Variants in MEIOSIN observed in about 807,000 individuals in gnomAD.
MEIOSIN encodes meiosis initiator, also known as meiosis initiator protein.
A neutral mutation model predicts 23.4 loss-of-function variants in MEIOSIN; 18 were observed. The ratio of observed to expected loss-of-function variants is 0.77; its 90% CI spans 0.53 to 1.14. MEIOSIN has a LOEUF of 1.14. MEIOSIN is among the 50% of genes most tolerant of loss of function. MEIOSIN has a pLI of 0.00. For synonymous variants in MEIOSIN, 187 were observed against 100.6 expected (o/e 1.86, Z -5.14); for missense variants, 428 against 242.9 (o/e 1.76, Z -5.07).
intron 8 of MEIOSIN, 104 bp downstream of exon 8, chr19:45,756,182 C>G: frequency 1.6e-6 from 1 of 636,678 alleles, no homozygotes; most frequent in South Asian, 1.7e-5. Context: ...TCTGCGGGTG[C>G]CCCTTGAGCA....
rs534008839 is a variant in MEIOSIN at position 45,735,581 on chromosome 19, A to G, written c.71+134A>G. Reference sequence around the variant, plus strand: ...TTGTTTGTATGATAACTGTTAATCCATACAACAATCTCATGAGGAAGTTGT... The same window carrying G: ...TTGTTTGTATGATAACTGTTAATCCGTACAACAATCTCATGAGGAAGTTGT... On this transcript the variant is annotated intron_variant, in intron 2 of 14. Coordinates refer to ENST00000457052, the MANE Select transcript of MEIOSIN (RefSeq NM_001310124.2). 1.5e-4 allele frequency: 86 copies of G among 571,034 alleles called. 1 individual carries two copies. The Middle Eastern group carries it at 1.6e-3, about 11-fold the overall frequency. 35.4% of individuals were successfully genotyped at this position (571,034 alleles called of 1,614,324 possible).
chr19:45,761,319 G>A (rs1315704763), intron 11 of MEIOSIN, among the ~76,000 whole-genome samples: 1 of 150,938 alleles, frequency 6.6e-6, no homozygotes, highest in Non-Finnish European at 1.5e-5. Flanking sequence ...ACAGAGTTTC[G>A]CCATGTTGGC....
chr19:45,758,786 A>G, intron 9 of MEIOSIN, 92 bp from the exon 10 acceptor site: 1 of 629,676 alleles, frequency 1.6e-6, no homozygotes, highest in Non-Finnish European at 2.9e-6. Flanking sequence ...CGCTTTCCGT[A>G]GCATCAGGCA....
At chr19:45,763,505 G>C (rs1968990747) in intron 14 of MEIOSIN, 78 bp downstream of exon 14, 1 of 398,214 alleles carries the variant, frequency 2.5e-6, no homozygotes. Context: ...TGTCTCTGGA[G>C]CCTTGGGTGT....
intron 2 of MEIOSIN, among the ~76,000 whole-genome samples, chr19:45,736,419 G>A (rs1053178510): frequency 6.6e-6 from 1 of 152,076 alleles, no homozygotes; most frequent in African/African-American, 2.4e-5. Context: ...GTAGAGTGCA[G>A]TGGCGCGATC....
intron 13 of MEIOSIN, 135 bp from the exon 14 acceptor site, chr19:45,763,203 C>T: frequency 2.5e-6 from 1 of 396,538 alleles, no homozygotes; most frequent in Admixed American, 4.4e-5. Context: ...GCCGCTGAGT[C>T]CAGCTCCCTC....
rs1209086730 is a variant in MEIOSIN, at chr19:45,759,410, C to G, written c.1169-4C>G. Reference sequence around the variant, plus strand: ...CTGGCTGCCCCTCTGGTCTCCCTCCCTAGCGGCTTTCTTTGAAGAAGTGTG... The same window carrying G: ...CTGGCTGCCCCTCTGGTCTCCCTCCGTAGCGGCTTTCTTTGAAGAAGTGTG... On this transcript the variant is annotated splice_region_variant and splice_polypyrimidine_tract_variant and intron_variant, in intron 10 of 14. Transcript: ENST00000457052. 1 of 703,360 alleles carries G rather than the reference C, an allele frequency of 1.4e-6. No homozygotes were observed. Among genetic ancestry groups the G allele is most frequent in the Admixed American group, 2.0e-5 (1 of 50,016 alleles). 43.6% of individuals were successfully genotyped at this position (703,360 alleles called of 1,614,324 possible). A position where few individuals can be genotyped will look rare whatever the true frequency, so the allele number is the denominator to read the frequency against.
At chr19:45,763,308 C>T (rs555192476) in intron 13 of MEIOSIN, 30 bp from the exon 14 acceptor site, 1 of 398,764 alleles carries the variant, frequency 2.5e-6, no homozygotes, top group East Asian at 3.6e-5. Flanking sequence ...CTGCAGACCT[C>T]TCCTTACCTC....
chr19:45,761,789 A>ATTCAGC lies in MEIOSIN; in HGVS notation c.1357_1358insTCAGCT (p.Pro452_Ser453insPheSer). The ATTCAGC allele has an allele frequency of 1.5e-6, 1 of 671,438 alleles. No individual in the cohort carries two copies. Among genetic ancestry groups the ATTCAGC allele is most frequent in the East Asian group, 2.8e-5 (1 of 35,672 alleles). 41.6% of individuals were successfully genotyped at this position (671,438 alleles called of 1,614,324 possible). A position where few individuals can be genotyped will look rare whatever the true frequency, so the allele number is the denominator to read the frequency against. On this transcript the variant is annotated inframe_insertion, in exon 12 of 15. Transcript: ENST00000457052. ...CGCTGAGCGGGAACAGCAAGGCGCC[A>ATTCAGC]TCCAGCTCCAGCTCCAGCTCCAGCT... is the stretch of plus-strand genomic sequence containing the variant.
chr19:45,736,668 A>T (rs1016474691), intron 2 of MEIOSIN, among the ~76,000 whole-genome samples: 13 of 152,038 alleles, frequency 8.6e-5, no homozygotes, highest in African/African-American at 2.9e-4. Context: ...TCCCGGATTC[A>T]CGCTATTCTC....
Position 45,736,962 on chromosome 19 carries a change from G to A in MEIOSIN, c.71+1515G>A, listed in dbSNP as rs760404164. Among the ~76,000 whole-genome samples the A allele has an allele frequency of 3.3e-4, 49 of 148,346 alleles. 1 individual carries two copies. Among genetic ancestry groups the A allele is most frequent in the Non-Finnish European group, 6.4e-4 (43 of 67,108 alleles). On this transcript the variant is annotated intron_variant, in intron 2 of 14. Coordinates refer to ENST00000457052, the MANE Select transcript of MEIOSIN (RefSeq NM_001310124.2). ...CGGCTCTCTGCAACCTCCGCCTCCC[G>A]GGTTCAAGCGATTCTCCTGCCTCAG...
chr19:45,751,673 C>G (rs1968713053), intron 5 of MEIOSIN, among the ~76,000 whole-genome samples: 1 of 150,900 alleles, frequency 6.6e-6, no homozygotes, highest in African/African-American at 2.4e-5. Flanking sequence ...GCGACAGCAC[C>G]CAGCACATCT....
intron 1 of MEIOSIN, 68 bp from the exon 2 acceptor site, chr19:45,735,309 A>G: frequency 2.9e-6 from 2 of 696,768 alleles, no homozygotes; most frequent in Non-Finnish European, 2.6e-6. Flanking sequence ...AAGGGTGCCC[A>G]TCAGGGTTCC....
rs535242105 is a variant in MEIOSIN, at chr19:45,751,144, C to T, written c.418+358C>T. Reference sequence around the variant, plus strand: ...AAAAATTAGCTGGTGTGGTGGCTGGCGCCTGTAATCCCAGCTACTTGGGAG... The same window carrying T: ...AAAAATTAGCTGGTGTGGTGGCTGGTGCCTGTAATCCCAGCTACTTGGGAG... On this transcript the variant is annotated intron_variant, in intron 5 of 14. Coordinates refer to ENST00000457052, the MANE Select transcript of MEIOSIN (RefSeq NM_001310124.2). 1.3e-3 allele frequency among the ~76,000 whole-genome samples: 198 copies of T among 151,878 alleles called. 1 individual carries two copies. Among genetic ancestry groups the T allele is most frequent in the Admixed American group, 2.3e-3 (35 of 15,210 alleles).
rs1434351580 is a variant in MEIOSIN at position 45,754,491 on chromosome 19, G to A, written c.569G>A (p.Arg190Gln). Residue 190 changes from arginine (R) to glutamine (Q), a missense_variant, in exon 7 of 15, where the codon CGG becomes CAG. By Grantham distance (43) the Arg-to-Gln change is conservative. Transcript: ENST00000457052. ...TCTGCTCCCCCAGAAAGCCAGACTC[G>A]GACCCCGAAGCCTCGCCGCTCTCTG... Reference protein sequence around the residue: ...KLTQASESQTRTPKPRRSLAL... With the variant: ...KLTQASESQTQTPKPRRSLAL... 23 of 702,414 alleles carry A rather than the reference G, an allele frequency of 3.3e-5. No homozygotes were observed. Among genetic ancestry groups the A allele is most frequent in the Non-Finnish European group, 5.2e-5 (20 of 384,694 alleles). The allele number at this position is 702,414 out of a possible 1,614,324, so 43.5% of individuals were successfully genotyped here.
At chr19:45,750,043 G>C (rs1483680981) in intron 4 of MEIOSIN, among the ~76,000 whole-genome samples, 2 of 149,770 alleles carry the variant, frequency 1.3e-5, no homozygotes, top group Non-Finnish European at 3.0e-5. Context: ...AAGAAAGACA[G>C]GGTTGAGCAC....
chr19:45,744,776 A>G (rs1464938406), intron 3 of MEIOSIN, among the ~76,000 whole-genome samples: 1 of 152,088 alleles, frequency 6.6e-6, no homozygotes, highest in African/African-American at 2.4e-5. Flanking sequence ...CCCACCCCAC[A>G]TTAGGACCTT....
intron 2 of MEIOSIN, among the ~76,000 whole-genome samples, chr19:45,737,338 C>A (rs1968424832): frequency 6.6e-6 from 1 of 151,918 alleles, no homozygotes; most frequent in African/African-American, 2.4e-5. Context: ...CACCACCACG[C>A]CTGGCTAATT....
chr19:45,756,634 G>A (rs1968835495), intron 8 of MEIOSIN, among the ~76,000 whole-genome samples: 2 of 151,970 alleles, frequency 1.3e-5, no homozygotes, highest in African/African-American at 4.8e-5. Context: ...ATGTTGCCTA[G>A]GCTGGTCTTG....
Sources: allele counts gnomAD v4.1 joint callset (sites outside exome capture counted in the v4.1 genomes callset), GRCh38; gene constraint gnomAD v4.1.1; transcripts MANE v1.5; gene names NCBI Gene and HGNC (gene_info 2026-07-23, HGNC 2026-07-21).